Variants in CHD1L observed in about 807,000 individuals in gnomAD.
CHD1L encodes the protein ATP-dependent chromatin remodeler CHD1L.
A neutral mutation model predicts 115.9 loss-of-function variants in CHD1L; 118 were observed. The ratio of observed to expected loss-of-function variants is 1.02; its 90% confidence interval spans 0.88 to 1.19. The LOEUF is 1.19. Ranked by LOEUF, CHD1L falls within the 50% of genes most tolerant of loss-of-function variation. The pLI, the probability that CHD1L is intolerant of heterozygous loss-of-function variation, is 0.00. For synonymous variants in CHD1L, 411 were observed against 387.1 expected, an observed-to-expected ratio of 1.06 and a Z score of -0.72; for missense variants, 1,179 against 1,065.3, an observed-to-expected ratio of 1.11 and a Z score of -1.49.
the CHD1L span, among the ~76,000 whole-genome samples, chr1:147,221,855 T>C: frequency 2.0e-5 from 3 of 152,224 alleles, no homozygotes; most frequent in Non-Finnish European, 2.9e-5. Flanking sequence ...AAACACCTGA[T>C]TGGAACTTAG....
At chr1:147,280,334 T>C in intron 15 of CHD1L, 143 bp downstream of exon 15, 1 of 818,468 alleles carries the variant, frequency 1.2e-6, no homozygotes, top group Non-Finnish European at 1.7e-6. Context: ...TGTTTAAGAC[T>C]TGCTTGATAA....
At chr1:147,213,349 C>T in the CHD1L span, 3 of 1,612,968 alleles carry the variant, frequency 1.9e-6, no homozygotes, top group Non-Finnish European at 2.5e-6. Flanking sequence ...GGTGTGATGG[C>T]CAGTGCAAAC....
upstream of CHD1L, among the ~76,000 whole-genome samples, chr1:147,240,087 A>G (rs1244918406): frequency 6.6e-6 from 1 of 152,244 alleles, no homozygotes; most frequent in African/African-American, 2.4e-5. Context: ...TTGTCTTAGC[A>G]TTAATCCTAC....
chr1:147,201,198 C>CA, the CHD1L span: 1 of 1,614,070 alleles, frequency 6.2e-7, no homozygotes, highest in East Asian at 2.2e-5. Context: ...CTGAAATGGG[C>CA]ATAATGGCTC....
chr1:147,178,133 C>T, the CHD1L span: 4 of 1,601,536 alleles, frequency 2.5e-6, no homozygotes, highest in Non-Finnish European at 3.4e-6. Flanking sequence ...CGCCGCCCAG[C>T]GCTGTTCCCG....
At chr1:147,288,352 AGAG>A (rs1684217787) in intron 19 of CHD1L, among the ~76,000 whole-genome samples, 1 of 145,356 alleles carries the variant, frequency 6.9e-6, no homozygotes, top group African/African-American at 2.5e-5. Flanking sequence ...AAAAAGAAAA[AGAG>A]AACTATTGGA....
chr1:147,240,520 G>A (rs1289082252), upstream of CHD1L, among the ~76,000 whole-genome samples: 2 of 152,124 alleles, frequency 1.3e-5, no homozygotes, highest in African/African-American at 4.8e-5. Flanking sequence ...CCCATAAAGG[G>A]TCTGTGCTGA....
At chr1:147,213,525 T>C in the CHD1L span, 4,925 of 1,489,132 alleles carry the variant, frequency 3.3e-3, 84 homozygotes, top group East Asian at 0.037. Flanking sequence ...TCTCCTTGCA[T>C]AGTGTTACAC....
At chr1:147,207,710 G>A in the CHD1L span, among the ~76,000 whole-genome samples, 4 of 152,138 alleles carry the variant, frequency 2.6e-5, no homozygotes, top group Non-Finnish European at 5.9e-5. Context: ...ATTGACTTCT[G>A]ATCAACCCTG....
intron 10 of CHD1L, among the ~76,000 whole-genome samples, chr1:147,269,718 G>A (rs1223145342): frequency 6.8e-6 from 1 of 147,882 alleles, no homozygotes; most frequent in East Asian, 2.0e-4. Flanking sequence ...CAACAGCCAT[G>A]TGTTCAGCTT....
chr1:147,177,453 G>C, the CHD1L span, among the ~76,000 whole-genome samples: 1,487 of 152,204 alleles, frequency 9.8e-3, 24 homozygotes, highest in African/African-American at 0.034. Flanking sequence ...CGAGAAGATG[G>C]AACATAATTC....
intron 16 of CHD1L, among the ~76,000 whole-genome samples, chr1:147,284,815 C>CTA (rs1682439373): frequency 6.6e-6 from 1 of 151,954 alleles, no homozygotes; most frequent in East Asian, 1.9e-4. Context: ...AATGATGACC[C>CTA]TATGACAAGA....
chr1:147,212,294 G>C, the CHD1L span: 2 of 1,237,024 alleles, frequency 1.6e-6, no homozygotes, highest in Non-Finnish European at 2.3e-6. Flanking sequence ...GAAGGGCTAT[G>C]TGCAGGTATC....
chr1:147,212,519 T>G, the CHD1L span: 1 of 1,613,018 alleles, frequency 6.2e-7, no homozygotes, highest in East Asian at 2.2e-5. Flanking sequence ...AGTACTGCCC[T>G]TTGAACTTCT....
intron 19 of CHD1L, among the ~76,000 whole-genome samples, chr1:147,290,933 A>G (rs1207061026): frequency 6.6e-6 from 1 of 152,162 alleles, no homozygotes; most frequent in Non-Finnish European, 1.5e-5. Context: ...GATTATAGTC[A>G]TGAGTCACTG....
chr1:147,176,726 A>G, the CHD1L span, among the ~76,000 whole-genome samples: 1 of 152,180 alleles, frequency 6.6e-6, no homozygotes, highest in Non-Finnish European at 1.5e-5. Context: ...TGAATCTACT[A>G]TGTATATATC....
At chr1:147,294,640 T>TC in intron 22 of CHD1L, 123 bp downstream of exon 22, 1 of 634,404 alleles carries the variant, frequency 1.6e-6, no homozygotes, top group Non-Finnish European at 2.6e-6. Flanking sequence ...ACTTTCCCCC[T>TC]CTTCAGTGAG....
At chr1:147,234,363 A>G in the CHD1L span, among the ~76,000 whole-genome samples, 1 of 152,210 alleles carries the variant, frequency 6.6e-6, no homozygotes, top group Non-Finnish European at 1.5e-5. Context: ...AACAGCATCC[A>G]TTCTATGCCT....
At chr1:147,187,370 A>T in the CHD1L span, 1 of 677,014 alleles carries the variant, frequency 1.5e-6, no homozygotes, top group Non-Finnish European at 2.5e-6. Context: ...TATAGAGAAG[A>T]AAGATAAAAC....
Sources: allele counts gnomAD v4.1 joint callset (sites outside exome capture counted in the v4.1 genomes callset), GRCh38; gene constraint gnomAD v4.1.1; transcripts MANE v1.5; gene names NCBI Gene and HGNC (gene_info 2026-07-23, HGNC 2026-07-21).